Variants in DET1 observed in about 807,000 individuals in gnomAD.
The protein encoded by DET1 is DET1 partner of COP1 E3 ubiquitin ligase.
Under a neutral mutation model 43.7 loss-of-function variants are expected in DET1, and 22 were observed. The observed-to-expected ratio is 0.50, with a 90% CI of 0.36 to 0.72. DET1 has a LOEUF of 0.72. Among genes scored for constraint, DET1 ranks in the 30% least tolerant of loss-of-function variants. The pLI is 0.00. For synonymous variants in DET1, 315 were observed against 266.2 expected (o/e 1.18, Z -1.79); for missense variants, 713 against 713.3 (o/e 1.00, Z 0.00).
At chr15:88,532,754 T>G (rs2142313705) in intron 1 of DET1, among the ~76,000 whole-genome samples, 1 of 152,256 alleles carries the variant, frequency 6.6e-6, no homozygotes, top group Non-Finnish European at 1.5e-5. Flanking sequence ...AAGAATGAAG[T>G]CAGACCCTAT....
chr15:88,518,750 G>T (rs2056413609), intron 3 of DET1, among the ~76,000 whole-genome samples: 1 of 152,022 alleles, frequency 6.6e-6, no homozygotes, highest in Non-Finnish European at 1.5e-5. Context: ...GAAACAAATG[G>T]AATAAAAAAC....
At chr15:88,507,069 A>G (rs986091720) in intron 7 of DET1, among the ~76,000 whole-genome samples, 3 of 152,236 alleles carry the variant, frequency 2.0e-5, no homozygotes, top group Non-Finnish European at 4.4e-5. Context: ...TGATAACTTA[A>G]TATAAGCCAA....
intron 3 of DET1, among the ~76,000 whole-genome samples, chr15:88,524,341 G>A (rs1475055556): frequency 1.3e-5 from 2 of 151,530 alleles, no homozygotes; most frequent in African/African-American, 2.4e-5. Flanking sequence ...TCCAAGAGGT[G>A]GGGGGCAGCC....
At chr15:88,503,501 G>A (rs1248776615) in intron 8 of DET1, 1 of 152,086 alleles carries the variant, frequency 6.6e-6, no homozygotes, top group African/African-American at 2.4e-5. Flanking sequence ...TTCTGACATA[G>A]GCCAGGTTAA....
chr15:88,503,758 A>G (rs6496490), intron 8 of DET1: 105,717 of 152,098 alleles, frequency 0.7, 36,998 homozygotes, highest in South Asian at 0.84. Context: ...AGCACTTTGG[A>G]AGGCCAAGGT....
Position 88,543,522 on chromosome 15 carries a change from T to C in DET1, c.-11+3018A>G, listed in dbSNP as rs1344348766. ...AAACTACCGAAACTGGCCGACCTGA[T>C]CTTCAAGATGTGGCCCTAGAGAAGG... On this transcript the variant is annotated intron_variant, in intron 1 of 4. Transcript: ENST00000268148. 3.9e-5 allele frequency among the ~76,000 whole-genome samples: 6 copies of C among 152,180 alleles called. No homozygotes were observed. The East Asian group carries it at 7.7e-4, about 20-fold the overall frequency.
chr15:88,509,599 T>C (rs892005403), downstream of DET1, among the ~76,000 whole-genome samples: 1 of 152,172 alleles, frequency 6.6e-6, no homozygotes, highest in Non-Finnish European at 1.5e-5. Context: ...TCGTGTTAGA[T>C]CATGCAACCT....
intron 1 of DET1, among the ~76,000 whole-genome samples, chr15:88,536,554 G>C (rs1195200604): frequency 1.3e-5 from 2 of 151,958 alleles, no homozygotes; most frequent in Admixed American, 1.3e-4. Flanking sequence ...CTGAGGCAGG[G>C]AGGTCACAAG....
Position 88,531,026 on chromosome 15 carries a change from T to C in DET1, c.680A>G (p.Asn227Ser). The change falls in exon 2 of 5, where the codon AAC (asparagine) becomes AGC (serine). Residue 227 changes from asparagine (N) to serine (S), a missense_variant. Transcript: ENST00000268148. This position sits in a 1 kb window ranked among gnomAD's most constrained non-coding sequence, Gnocchi z 6.2. ...SHNQGLYLYK[N>S]ILAILSVQQQ... ...TTGCACAGACAAGATGGCCAGGATG[T>C]TTTTGTACAAGTACAGCCCTTGGTT... is the stretch of plus-strand genomic sequence containing the variant. 6.2e-7 allele frequency: 1 copy of C among 1,613,580 alleles called. No homozygotes were observed. Among genetic ancestry groups the C allele is most frequent in the East Asian group, 2.2e-5 (1 of 44,886 alleles).
intron 1 of DET1, among the ~76,000 whole-genome samples, chr15:88,538,502 C>A (rs565657858): frequency 8.6e-5 from 13 of 151,726 alleles, no homozygotes; most frequent in Non-Finnish European, 1.3e-4. Context: ...CCTTCCTAAA[C>A]CAAGGTATAA....
At chr15:88,515,365 C>A (rs1162512369) in intron 4 of DET1, among the ~76,000 whole-genome samples, 1 of 151,542 alleles carries the variant, frequency 6.6e-6, no homozygotes, top group African/African-American at 2.4e-5. Flanking sequence ...CATGGTGAAA[C>A]CCCGTCTCTA....
chr15:88,532,606 C>G (rs182940326), intron 1 of DET1, among the ~76,000 whole-genome samples: 4 of 152,170 alleles, frequency 2.6e-5, no homozygotes, highest in Non-Finnish European at 4.4e-5. Context: ...AAGACAGACA[C>G]AGACCAATGA....
At chr15:88,533,249 C>T (rs768935530) in intron 1 of DET1, among the ~76,000 whole-genome samples, 37 of 152,086 alleles carry the variant, frequency 2.4e-4, no homozygotes, top group Non-Finnish European at 4.4e-5. Flanking sequence ...ACCTCACACC[C>T]ATTAGAACGA....
chr15:88,522,164 G>A (rs1475524533), intron 3 of DET1, among the ~76,000 whole-genome samples: 2 of 152,106 alleles, frequency 1.3e-5, no homozygotes, highest in Non-Finnish European at 2.9e-5. Flanking sequence ...TTTTAATAAC[G>A]ACTTTGTTTA....
intron 3 of DET1, among the ~76,000 whole-genome samples, chr15:88,517,195 A>G (rs1478977226): frequency 1.3e-5 from 2 of 150,942 alleles, no homozygotes; most frequent in Non-Finnish European, 3.0e-5. Flanking sequence ...AAAACAACAA[A>G]TTACTTTAGA....
rs1267967909 is a variant in DET1, at chr15:88,516,437, T to A, written c.1463+345A>T. On this transcript the variant is annotated intron_variant, in intron 4 of 4. Transcript: ENST00000268148. The surrounding 1 kb of genome is among the most constrained non-coding windows in gnomAD (Gnocchi z 4.4). ...AGGTAACATGGCGGGATAAAATAAT[T>A]TGTGTTAGATACATAATTATAAAGT... is the stretch of plus-strand genomic sequence containing the variant. 6.6e-6 allele frequency among the ~76,000 whole-genome samples: 1 copy of A among 152,348 alleles called. No individual in the cohort carries two copies. Among genetic ancestry groups the A allele is most frequent in the East Asian group, 1.9e-4 (1 of 5,182 alleles).
chr15:88,522,001 G>A (rs1432148731), intron 3 of DET1, among the ~76,000 whole-genome samples: 4 of 151,954 alleles, frequency 2.6e-5, no homozygotes, highest in Admixed American at 6.6e-5. Context: ...AAATCTTCCT[G>A]CCAAGGTACC....
intron 1 of DET1, among the ~76,000 whole-genome samples, chr15:88,538,741 G>A (rs1037478370): frequency 2.0e-5 from 3 of 152,188 alleles, no homozygotes; most frequent in African/African-American, 7.2e-5. Flanking sequence ...GTTACCACCT[G>A]AGGAAAGAAT....
At chr15:88,514,063 T>A (rs2056277297) in intron 4 of DET1, among the ~76,000 whole-genome samples, 1 of 149,930 alleles carries the variant, frequency 6.7e-6, no homozygotes, top group South Asian at 2.2e-4. Flanking sequence ...CCTCCCAAAG[T>A]GCTGGGATTA....
Sources: gnomAD v4.1 joint callset for allele counts (sites outside exome capture counted in the v4.1 genomes callset) on GRCh38, gnomAD v4.1.1 for gene constraint, Gnocchi (gnomAD v3.1) non-coding constraint, MANE v1.5 for transcripts, NCBI Gene and HGNC (gene_info 2026-07-23, HGNC 2026-07-21) for gene names.